The following ARHGEF18 variants were observed in gnomAD, a reference collection of about 807,000 sequenced individuals.
ARHGEF18 encodes Rho/Rac guanine nucleotide exchange factor 18.
ARHGEF18 carries 93 observed loss-of-function variants against 155.7 expected under a neutral mutation model. The observed-to-expected ratio is 0.60, with a 90% CI of 0.50 to 0.71. ARHGEF18 has a LOEUF of 0.71. Among genes scored for constraint, ARHGEF18 ranks in the 30% least tolerant of loss-of-function variants. The pLI is 0.00. For missense variants in ARHGEF18, 1,593 were observed against 1,816.1 expected (o/e 0.88, Z 2.23); for synonymous variants, 742 against 753.1 (o/e 0.99, Z 0.24).
rs955776981 is a variant in ARHGEF18 at position 7,440,093 on chromosome 19, G to A, written c.968-251G>A. 10 of 1,550,144 alleles carry A rather than the reference G, an allele frequency of 6.5e-6. No individual in the cohort carries two copies. Among genetic ancestry groups the A allele is most frequent in the African/African-American group, 2.7e-5 (2 of 72,920 alleles). ...GCGCCGCGCCGGGTCCCGGAGCCCCGGGCGCGAACATGGGGAATGCGCACT... is the reference window on the plus strand; with the variant it reads ...GCGCCGCGCCGGGTCCCGGAGCCCCAGGCGCGAACATGGGGAATGCGCACT... On this transcript the variant is annotated intron_variant, in intron 10 of 28. Coordinates refer to ENST00000668164, the MANE Select transcript of ARHGEF18 (RefSeq NM_001367823.1). This position sits in a 1 kb window ranked among gnomAD's most constrained non-coding sequence, Gnocchi z 5.4.
chr19:7,465,073 T>A (rs776251178), intron 23 of ARHGEF18, among the ~76,000 whole-genome samples: 3 of 152,114 alleles, frequency 2.0e-5, no homozygotes, highest in Non-Finnish European at 4.4e-5. Flanking sequence ...GCCAGGTGCC[T>A]ACTCGGCCCT....
chr19:7,441,455 C>T (rs1237701413), intron 11 of ARHGEF18, among the ~76,000 whole-genome samples, 198 bp from the exon 12 acceptor site: 1 of 152,134 alleles, frequency 6.6e-6, no homozygotes, highest in Non-Finnish European at 1.5e-5. Flanking sequence ...TCTGGGATTA[C>T]AGGCGTGAGA....
At chr19:7,478,919 C>A in the ARHGEF18 span, among the ~76,000 whole-genome samples, 1 of 152,160 alleles carries the variant, frequency 6.6e-6, no homozygotes, top group African/African-American at 2.4e-5. Context: ...AAGGGGCTAC[C>A]CAGTGGGCAG....
At position 7,440,392 on chromosome 19, in the gene ARHGEF18, C is replaced by T. The variant is rs775411428; in HGVS notation, c.1016C>T (p.Pro339Leu). Residue 339 changes from proline to leucine, a missense_variant, in exon 11 of 29, where the codon CCG (proline) becomes CTG (leucine). By Grantham distance (98) the Pro-to-Leu change is moderately conservative. Transcript: ENST00000668164. This position sits in a 1 kb window ranked among gnomAD's most constrained non-coding sequence, Gnocchi z 5.4. ...PRGTLLSDGS[P>L]ALSRNVGMTV... ...GGCACCCTCCTGTCCGATGGCAGCC[C>T]GGCCCTGTCCAGGAATGTCGGTATG... 7 of 1,609,368 alleles carry T rather than the reference C, an allele frequency of 4.3e-6. No individual in the cohort carries two copies. In the South Asian group the frequency reaches 6.6e-5, roughly 15 times the overall value.
chr19:7,446,471 G>A (rs576328061), intron 14 of ARHGEF18, among the ~76,000 whole-genome samples: 4 of 152,126 alleles, frequency 2.6e-5, no homozygotes, highest in African/African-American at 4.8e-5. Flanking sequence ...GGCCAGGCGC[G>A]GTGGCTCATG....
intron 10 of ARHGEF18, among the ~76,000 whole-genome samples, chr19:7,385,773 G>T (rs1970978931): frequency 1.3e-5 from 2 of 150,424 alleles, no homozygotes; most frequent in African/African-American, 4.9e-5. Flanking sequence ...ACCGCGCCTG[G>T]CCTGTCACCT....
chr19:7,393,928 T>G (rs926047485), intron 10 of ARHGEF18, among the ~76,000 whole-genome samples: 2 of 151,080 alleles, frequency 1.3e-5, no homozygotes, highest in Non-Finnish European at 2.9e-5. Flanking sequence ...GGGGATCTGA[T>G]GGTATCTATG....
intron 17 of ARHGEF18, among the ~76,000 whole-genome samples, chr19:7,455,563 C>T (rs773728155): frequency 3.9e-5 from 6 of 152,196 alleles, no homozygotes; most frequent in Non-Finnish European, 8.8e-5. Flanking sequence ...GCCTGCATCG[C>T]TGCTGTGGCT....
chr19:7,408,044 A>G (rs1230926634), intron 10 of ARHGEF18, among the ~76,000 whole-genome samples: 2 of 150,658 alleles, frequency 1.3e-5, no homozygotes, highest in Non-Finnish European at 3.0e-5. Context: ...TTCAGGAGGC[A>G]GAGGTGGGCA....
intron 15 of ARHGEF18, among the ~76,000 whole-genome samples, chr19:7,449,135 C>T (rs1036085029): frequency 2.0e-5 from 3 of 152,152 alleles, no homozygotes; most frequent in Non-Finnish European, 2.9e-5. Flanking sequence ...ACAGCGGCTC[C>T]GGGCCTCTTC....
At chr19:7,396,508 G>A (rs1971717097) in intron 10 of ARHGEF18, among the ~76,000 whole-genome samples, 1 of 152,116 alleles carries the variant, frequency 6.6e-6, no homozygotes, top group Non-Finnish European at 1.5e-5. Flanking sequence ...ACGAGGTCAG[G>A]AGATCGAGAC....
At position 7,469,937 on chromosome 19, in the gene ARHGEF18, A is replaced by G. The variant is rs995021643; in HGVS notation, c.3821A>G (p.Asn1274Ser). The G allele has an allele frequency of 5.6e-6, 9 of 1,612,810 alleles. No homozygotes were observed. In the African/African-American group the frequency reaches 1.2e-4, roughly 22 times the overall value. ...GACCTGAAGCAGCAGCTGCTGCTCA[A>G]CAAGCTCATGGGGAAAGATGAGAGC... ...SFDLKQQLLL[N>S]KLMGKDESTS... Residue 1274 changes from asparagine to serine, a missense_variant, in exon 28 of 29, where the codon AAC (asparagine) becomes AGC (serine). Transcript: ENST00000668164.
chr19:7,399,473 G>GT (rs919597815), intron 10 of ARHGEF18, among the ~76,000 whole-genome samples: 60 of 149,296 alleles, frequency 4.0e-4, no homozygotes, highest in South Asian at 1.9e-3. Context: ...ATACACTAAT[G>GT]TTTTTTTTTC....
At chr19:7,455,441 C>T (rs1371882170) in intron 17 of ARHGEF18, among the ~76,000 whole-genome samples, 4 of 152,170 alleles carry the variant, frequency 2.6e-5, no homozygotes, top group Non-Finnish European at 5.9e-5. Context: ...GCCCTTGAAA[C>T]GCAGCTCAGG....
chr19:7,407,983 A>AAAAAAAAAAAAAAAAAAAAAC (rs1555711562), intron 10 of ARHGEF18, among the ~76,000 whole-genome samples: 14 of 141,962 alleles, frequency 9.9e-5, no homozygotes, highest in African/African-American at 4.3e-4. Flanking sequence ...AAAAAAAAAA[A>AAAAAAAAAAAAAAAAAAAAAC]AAAAGAGGTA....
intron 10 of ARHGEF18, among the ~76,000 whole-genome samples, chr19:7,407,425 C>CAA (rs59665719): frequency 2.1e-4 from 23 of 108,774 alleles, no homozygotes; most frequent in African/African-American, 4.7e-4. Context: ...GACTGAGTCT[C>CAA]AAAAAAAAAA....
chr19:7,473,295 C>G (rs1357387874), downstream of ARHGEF18: 4 of 456,208 alleles, frequency 8.8e-6, no homozygotes, highest in Non-Finnish European at 1.3e-5. Flanking sequence ...AGGGAACTCT[C>G]AGGCAGCACT....
intron 10 of ARHGEF18, among the ~76,000 whole-genome samples, chr19:7,397,503 G>A (rs1040107242): frequency 3.9e-5 from 6 of 152,008 alleles, no homozygotes; most frequent in South Asian, 2.1e-4. Context: ...AGGCCCGGGG[G>A]GGGGCAGATC....
intron 10 of ARHGEF18, among the ~76,000 whole-genome samples, chr19:7,434,548 C>T (rs538986478): frequency 2.6e-5 from 4 of 152,276 alleles, no homozygotes; most frequent in South Asian, 4.2e-4. Flanking sequence ...GGGCAGGAGG[C>T]GCTAATTAGA....
Sources: gnomAD v4.1 joint callset for allele counts (sites outside exome capture counted in the v4.1 genomes callset) on GRCh38, gnomAD v4.1.1 for gene constraint, Gnocchi (gnomAD v3.1) non-coding constraint, MANE v1.5 for transcripts, NCBI Gene and HGNC (gene_info 2026-07-23, HGNC 2026-07-21) for gene names.